SRRM4: variants seen among roughly 807,000 people sequenced by gnomAD.
The protein encoded by SRRM4 is serine/arginine repetitive matrix 4.
In SRRM4, 33 loss-of-function variants were observed where a neutral mutation model predicts 68.9. The ratio of observed to expected loss-of-function variants is 0.48; its 90% CI spans 0.36 to 0.64. The LOEUF is 0.64. SRRM4 is among the 30% of genes least tolerant of loss of function. The pLI, the probability that SRRM4 is intolerant of heterozygous loss-of-function variation, is 0.00. For synonymous variants in SRRM4, 318 were observed against 318.8 expected (o/e 1.00, Z 0.03); for missense variants, 817 against 827.1 (o/e 0.99, Z 0.15).
intron 1 of SRRM4, among the ~76,000 whole-genome samples, chr12:119,024,252 G>A (rs1953533815): frequency 6.6e-6 from 1 of 152,164 alleles, no homozygotes; most frequent in South Asian, 2.1e-4. Flanking sequence ...GCTGACAAGG[G>A]CCAGAACTCA....
At chr12:119,142,301 C>T (rs1008557137) in intron 8 of SRRM4, among the ~76,000 whole-genome samples, 6 of 152,170 alleles carry the variant, frequency 3.9e-5, no homozygotes, top group African/African-American at 1.2e-4. Flanking sequence ...TGCCTTTATC[C>T]CTGTTTTCTG....
chr12:119,030,372 G>C (rs1022018398), intron 1 of SRRM4, among the ~76,000 whole-genome samples: 1 of 152,180 alleles, frequency 6.6e-6, no homozygotes, highest in Non-Finnish European at 1.5e-5. Context: ...CAGGGATTCT[G>C]TAAGCCCAGG....
intron 1 of SRRM4, among the ~76,000 whole-genome samples, chr12:119,013,714 A>G (rs1525948): frequency 0.28 from 42,296 of 152,038 alleles, 6,141 homozygotes; most frequent in Non-Finnish European, 0.31. Context: ...GTATAGATGT[A>G]TCATTTATTT....
At chr12:119,045,101 G>A (rs1525959) in intron 1 of SRRM4, among the ~76,000 whole-genome samples, 134,137 of 152,192 alleles carry the variant, frequency 0.88, 59,478 homozygotes, top group Middle Eastern at 0.95. Flanking sequence ...CATTGTTAGT[G>A]TCATCGCTGG....
chr12:119,053,586 A>C (rs1953758081), intron 1 of SRRM4, among the ~76,000 whole-genome samples: 1 of 152,238 alleles, frequency 6.6e-6, no homozygotes, highest in South Asian at 2.1e-4. Context: ...TCACATAGTC[A>C]ATGTGAAATA....
At chr12:119,008,177 A>C (rs1318459753) in intron 1 of SRRM4, among the ~76,000 whole-genome samples, 1 of 152,056 alleles carries the variant, frequency 6.6e-6, no homozygotes, top group African/African-American at 2.4e-5. Context: ...TGAGGTGGGC[A>C]GGTTGCTTGA....
intron 1 of SRRM4, chr12:119,000,768 A>G (rs541077590): frequency 1.5e-5 from 2 of 137,440 alleles, no homozygotes; most frequent in Admixed American, 7.4e-5. Context: ...ATTTTGCCAG[A>G]GCCTAACCTA....
intron 1 of SRRM4, among the ~76,000 whole-genome samples, chr12:118,991,512 A>G (rs1165566805): frequency 6.6e-6 from 1 of 152,116 alleles, no homozygotes; most frequent in Non-Finnish European, 1.5e-5. Flanking sequence ...ACCTCTCCTA[A>G]CGGTTGAGGC....
intron 1 of SRRM4, among the ~76,000 whole-genome samples, chr12:119,000,595 G>A (rs1953377801): frequency 6.6e-6 from 1 of 152,196 alleles, no homozygotes; most frequent in Non-Finnish European, 1.5e-5. Flanking sequence ...CCAGGTGGAA[G>A]AGGCATCTCT....
chr12:119,118,311 A>T (rs1477531842), intron 4 of SRRM4, among the ~76,000 whole-genome samples: 1 of 152,262 alleles, frequency 6.6e-6, no homozygotes, highest in African/African-American at 2.4e-5. Context: ...CAATTTTCCT[A>T]CATCAATTGT....
intron 1 of SRRM4, among the ~76,000 whole-genome samples, chr12:119,029,163 G>T (rs548559096): frequency 6.6e-6 from 1 of 152,284 alleles, no homozygotes; most frequent in South Asian, 2.1e-4. Context: ...AAGGAAGAAG[G>T]AGAAGCATGG....
intron 1 of SRRM4, among the ~76,000 whole-genome samples, chr12:119,030,652 C>A (rs1953583301): frequency 6.6e-6 from 1 of 152,174 alleles, no homozygotes; most frequent in Admixed American, 6.5e-5. Context: ...CACAAAATTA[C>A]AATCATATTT....
intron 1 of SRRM4, among the ~76,000 whole-genome samples, chr12:119,024,900 T>C (rs1953538158): frequency 6.6e-6 from 1 of 152,178 alleles, no homozygotes; most frequent in Non-Finnish European, 1.5e-5. Context: ...AGGAGACCAC[T>C]GGGCCATAAG....
At chr12:119,136,389 T>C (rs944915041) in intron 8 of SRRM4, among the ~76,000 whole-genome samples, 4 of 152,184 alleles carry the variant, frequency 2.6e-5, no homozygotes, top group African/African-American at 9.7e-5. Context: ...AATACCATCA[T>C]CATAGTTGAG....
At chr12:119,135,336 AG>A (rs1954321523) in intron 8 of SRRM4, among the ~76,000 whole-genome samples, 1 of 152,222 alleles carries the variant, frequency 6.6e-6, no homozygotes, top group Non-Finnish European at 1.5e-5. Context: ...AGATAATGGC[AG>A]GTTTCTTGTT....
chr12:119,098,891 T>C (rs1954060646), intron 1 of SRRM4, among the ~76,000 whole-genome samples: 1 of 152,318 alleles, frequency 6.6e-6, no homozygotes, highest in South Asian at 2.1e-4. Flanking sequence ...CCATTGCTAC[T>C]ACACTGATCG....
intron 7 of SRRM4, among the ~76,000 whole-genome samples, chr12:119,130,049 T>C (rs1954285658): frequency 7.0e-6 from 1 of 143,510 alleles, no homozygotes; most frequent in African/African-American, 2.6e-5. Context: ...GGTTGGTTAG[T>C]TGGATGGATA....
intron 4 of SRRM4, among the ~76,000 whole-genome samples, chr12:119,119,449 TG>T (rs1565912571): frequency 6.6e-6 from 1 of 151,108 alleles, no homozygotes; most frequent in Non-Finnish European, 1.5e-5. Flanking sequence ...ACCCAGAGCT[TG>T]GGGGAGTAGA....
intron 1 of SRRM4, among the ~76,000 whole-genome samples, chr12:119,054,123 A>T (rs997338249): frequency 2.0e-5 from 3 of 152,224 alleles, no homozygotes; most frequent in Non-Finnish European, 1.5e-5. Flanking sequence ...TCCACAAACA[A>T]GTGAGAACAT....
Sources: allele counts gnomAD v4.1 joint callset (sites outside exome capture counted in the v4.1 genomes callset), GRCh38; gene constraint gnomAD v4.1.1; transcripts MANE v1.5; gene names NCBI Gene and HGNC (gene_info 2026-07-23, HGNC 2026-07-21).